Variants in DFFB observed in about 807,000 individuals in gnomAD.
DFFB encodes DNA fragmentation factor subunit beta, also known as DNA fragmentation factor 40 kDa subunit.
DFFB carries 29 observed loss-of-function variants against 32.7 expected under a neutral mutation model. The ratio of observed to expected loss-of-function variants is 0.89; its 90% CI spans 0.66 to 1.21. The LOEUF (loss-of-function observed/expected upper bound fraction) is 1.21, where lower values mean the gene tolerates loss of function less well. Among genes scored for constraint, DFFB ranks in the 50% most tolerant of loss-of-function variants. The pLI is 0.00. For missense variants in DFFB, 398 were observed against 440.6 expected, an observed-to-expected ratio of 0.90 and a Z score of 0.87; for synonymous variants, 170 against 177.1, an observed-to-expected ratio of 0.96 and a Z score of 0.32.
intron 3 of DFFB, 85 bp downstream of exon 3, chr1:3,866,085 T>G (rs1488258673): frequency 8.5e-7 from 1 of 1,176,334 alleles, no homozygotes; most frequent in African/African-American, 1.5e-5. Flanking sequence ...AAGCCCCCAG[T>G]GAAGGGCTGG....
chr1:3,866,132 G>A lies in DFFB; in HGVS notation c.430+132G>A, dbSNP rs1425254355. ...GTGGGTTGAGGTGGGGGACTTGGAA[G>A]AAAATGTGCTCATTTCCCAGCATTT... On this transcript the variant is annotated intron_variant, in intron 3 of 6. Coordinates refer to ENST00000378209, the MANE Select transcript of DFFB (RefSeq NM_004402.4). 12 of 774,932 alleles carry A rather than the reference G, an allele frequency of 1.5e-5. 1 individual carries two copies. The South Asian group carries it at 2.1e-4, about 13-fold the overall frequency. 48.0% of individuals were successfully genotyped at this position (774,932 alleles called of 1,614,324 possible).
At position 3,857,483 on chromosome 1, in the gene DFFB, C is replaced by T; in HGVS notation, c.-121C>T. 1 of 609,760 alleles carries T rather than the reference C, an allele frequency of 1.6e-6. No individual in the cohort carries two copies. The highest frequency in any genetic ancestry group is 2.7e-6 in the Non-Finnish European group (1 of 376,628). The allele number at this position is 609,760 out of a possible 1,614,324, so 37.8% of individuals were successfully genotyped here. A position where few individuals can be genotyped will look rare whatever the true frequency, so the allele number is the denominator to read the frequency against. On this transcript the variant is annotated 5_prime_UTR_variant, in exon 1 of 7. Transcript: ENST00000378209. ...GTAGTTTCCGGGATCGGCACCCGGC[C>T]TGTGCCAGCTTGCAGAGCTCACCAG...
intron 6 of DFFB, among the ~76,000 whole-genome samples, chr1:3,877,347 T>TTTTTTTTTTA (rs1645244737): frequency 6.7e-6 from 1 of 149,432 alleles, no homozygotes; most frequent in African/African-American, 2.5e-5. Context: ...TTTTTTTTTT[T>TTTTTTTTTTA]GAGGCAGAGT....
intron 6 of DFFB, among the ~76,000 whole-genome samples, chr1:3,876,207 T>C (rs1005610501): frequency 3.5e-4 from 53 of 152,232 alleles, no homozygotes; most frequent in African/African-American, 1.2e-3. Context: ...CCTTGCCACA[T>C]GCAACAAGTA....
chr1:3,859,362 G>A (rs914655549), intron 2 of DFFB, among the ~76,000 whole-genome samples: 1 of 152,198 alleles, frequency 6.6e-6, no homozygotes, highest in Non-Finnish European at 1.5e-5. Context: ...CTGTATTGAA[G>A]CCTCAGGACA....
rs763211797 is a variant in DFFB at position 3,865,830 on chromosome 1, G to A, written c.260G>A (p.Arg87His). 38 of 1,614,028 alleles carry A rather than the reference G, an allele frequency of 2.4e-5. 1 individual carries two copies. The South Asian group carries it at 3.5e-4, about 15-fold the overall frequency. Reference sequence around the variant, plus strand: ...GTGGCAGATGTGAGCGACATCAGGCGCTTCCTCAGTGCATTTCACGAGCCA... The same window carrying A: ...GTGGCAGATGTGAGCGACATCAGGCACTTCCTCAGTGCATTTCACGAGCCA... The part of the protein sequence containing the change: ...AWQGYVSDIR[R>H]FLSAFHEPQV... Residue 87 changes from arginine (R) to histidine (H), a missense_variant, in exon 3 of 7, where the codon CGC becomes CAC. Arg to His is a conservative substitution (Grantham distance 29). Transcript: ENST00000378209. This position sits in a 1 kb window ranked among gnomAD's most constrained non-coding sequence, Gnocchi z 4.7.
chr1:3,881,737 G>C (rs1645342215), intron 6 of DFFB, among the ~76,000 whole-genome samples: 1 of 152,184 alleles, frequency 6.6e-6, no homozygotes, highest in Admixed American at 6.5e-5. Flanking sequence ...GGGTGTGGTG[G>C]CGCACGCCTG....
intron 6 of DFFB, among the ~76,000 whole-genome samples, chr1:3,875,529 T>C (rs1011466550): frequency 1.3e-5 from 2 of 152,162 alleles, no homozygotes; most frequent in African/African-American, 4.8e-5. Flanking sequence ...CCCGGGTTCT[T>C]GCTGACACTT....
intron 6 of DFFB, among the ~76,000 whole-genome samples, chr1:3,874,513 G>A (rs1363768874): frequency 3.1e-5 from 1 of 31,950 alleles, no homozygotes; most frequent in Admixed American, 3.0e-4. Flanking sequence ...CTGCAGAGCC[G>A]TGTAGCTGCA....
intron 2 of DFFB, among the ~76,000 whole-genome samples, chr1:3,862,288 C>T (rs1440514560): frequency 6.6e-6 from 1 of 152,206 alleles, no homozygotes; most frequent in African/African-American, 2.4e-5. Context: ...GTGGGACTCC[C>T]CAAACTGACC....
intron 6 of DFFB, among the ~76,000 whole-genome samples, chr1:3,873,878 C>A (rs2124755775): frequency 6.6e-6 from 1 of 152,328 alleles, no homozygotes; most frequent in African/African-American, 2.4e-5. Context: ...TGGTCCCCAG[C>A]ATTTCAGATG....
At chr1:3,867,497 G>A (rs1314494273) in intron 3 of DFFB, among the ~76,000 whole-genome samples, 1 of 152,226 alleles carries the variant, frequency 6.6e-6, no homozygotes, top group African/African-American at 2.4e-5. Context: ...TATTTGAGAT[G>A]CTTCTAACAA....
At position 3,871,035 on chromosome 1, in the gene DFFB, C is replaced by T. The variant is rs184271446; in HGVS notation, c.681+1260C>T. Among the ~76,000 whole-genome samples the T allele has an allele frequency of 2.3e-3, 343 of 152,320 alleles. 8 individuals are homozygous for T. The highest frequency in any genetic ancestry group is 0.019 in the Admixed American group (295 of 15,310). On this transcript the variant is annotated intron_variant, in intron 5 of 6. Coordinates refer to ENST00000378209, the MANE Select transcript of DFFB (RefSeq NM_004402.4). ...CAGCCCTGCCTCTGCATTGGGATCA[C>T]AGGGAAACATCAGGAAGCCGCGGGC...
At chr1:3,880,686 G>C (rs921511164) in intron 6 of DFFB, among the ~76,000 whole-genome samples, 25 of 151,238 alleles carry the variant, frequency 1.7e-4, no homozygotes, top group Non-Finnish European at 3.1e-4. Context: ...CTTCAGTGTG[G>C]CTCTGGTGGA....
At position 3,884,302 on chromosome 1, in the gene DFFB, C is replaced by T. The variant is rs1287832744; in HGVS notation, c.*561C>T. 1.3e-5 allele frequency: 2 copies of T among 155,998 alleles called. No individual in the cohort carries two copies. The highest frequency in any genetic ancestry group is 3.8e-4 in the East Asian group (2 of 5,300). 9.7% of individuals were successfully genotyped at this position (155,998 alleles called of 1,614,324 possible). On this transcript the variant is annotated 3_prime_UTR_variant, in exon 7 of 7. Transcript: ENST00000378209. ...AGTAGGGATAAGAATTGTCTCTGGG[C>T]TGAGGAATTCTTCTGTTCTCTGGTT... is the stretch of plus-strand genomic sequence containing the variant.
intron 6 of DFFB, among the ~76,000 whole-genome samples, chr1:3,873,843 A>G (rs1165299175): frequency 6.6e-6 from 1 of 152,174 alleles, no homozygotes; most frequent in African/African-American, 2.4e-5. Flanking sequence ...AAAATCCTAA[A>G]AAAATCCCAA....
chr1:3,878,400 C>G (rs963522275), intron 6 of DFFB, among the ~76,000 whole-genome samples: 1 of 152,330 alleles, frequency 6.6e-6, no homozygotes, highest in East Asian at 1.9e-4. Context: ...GATCTGCCCA[C>G]CTCAGCCTCC....
In DFFB at chr1:3,857,708, C is replaced by G; in HGVS notation, c.105C>G (p.Leu35=). 5 of 1,541,950 alleles carry G rather than the reference C, an allele frequency of 3.2e-6. No individual in the cohort carries two copies. The highest frequency in any genetic ancestry group is 4.4e-6 in the Non-Finnish European group (5 of 1,142,954). Residue 35 remains leucine (L), a synonymous_variant, in exon 1 of 7, where the codon CTC becomes CTG. Coordinates refer to ENST00000378209, the MANE Select transcript of DFFB (RefSeq NM_004402.4). ...AGGAGGTGCTGCGCAAGGGCTGTCT[C>G]CGCTTCCAGGTGCCCGCTGGGCTAG... is the stretch of plus-strand genomic sequence containing the variant. ...SCQEVLRKGC[L]RFQLPERGSR... is the part of the protein sequence containing the mutation.
At chr1:3,859,349 C>A (rs572175520) in intron 2 of DFFB, among the ~76,000 whole-genome samples, 9 of 152,170 alleles carry the variant, frequency 5.9e-5, no homozygotes, top group Non-Finnish European at 8.8e-5. Context: ...TCTTTCGGGG[C>A]ATCTGTATTG....
Sources: allele counts gnomAD v4.1 joint callset (sites outside exome capture counted in the v4.1 genomes callset), GRCh38; gene constraint gnomAD v4.1.1; non-coding constraint Gnocchi (gnomAD v3.1); transcripts MANE v1.5; gene names NCBI Gene and HGNC (gene_info 2026-07-23, HGNC 2026-07-21).